Variants in PCNX2 observed in about 807,000 individuals in gnomAD.
PCNX2 encodes pecanex 2.
A neutral mutation model predicts 223.8 loss-of-function variants in PCNX2; 168 were observed. That is an observed-to-expected ratio of 0.75 (90% CI 0.66 to 0.85). The LOEUF is 0.85. PCNX2 is among the 40% of genes least tolerant of loss of function. The probability of loss-of-function intolerance (pLI) is 0.00; values close to 1 mark genes in which losing one functional copy is unlikely to be tolerated. For synonymous variants in PCNX2, 1,006 were observed against 1,052.6 expected (o/e 0.96, Z 0.86); for missense variants, 2,507 against 2,675.5 (o/e 0.94, Z 1.39).
chr1:233,013,209 T>G (rs1246644460), intron 28 of PCNX2, among the ~76,000 whole-genome samples: 1 of 152,212 alleles, frequency 6.6e-6, no homozygotes, highest in Admixed American at 6.5e-5. Flanking sequence ...AGTTTTGGTA[T>G]TTCTCACCTG....
chr1:233,035,756 C>G (rs1225999513), intron 25 of PCNX2, among the ~76,000 whole-genome samples: 1 of 152,170 alleles, frequency 6.6e-6, no homozygotes, highest in Non-Finnish European at 1.5e-5. Context: ...ATCAGGGCTA[C>G]AAAAAGGAGA....
intron 15 of PCNX2, among the ~76,000 whole-genome samples, chr1:233,193,360 A>T (rs1398505528): frequency 6.6e-6 from 1 of 152,234 alleles, no homozygotes; most frequent in Non-Finnish European, 1.5e-5. Context: ...AAAACATAAC[A>T]GGGAAACTTT....
Position 233,261,311 on chromosome 1 carries a change from G to A in PCNX2, c.491C>T (p.Ala164Val), listed in dbSNP as rs201955348. The change falls in exon 4 of 34, where the codon GCA becomes GTA. Residue 164 changes from alanine to valine, a missense_variant. By Grantham distance (64) the Ala-to-Val change is moderately conservative. Transcript: ENST00000258229. Reference sequence around the variant, plus strand: ...TTTGAGATCTTCTACAGTTTCCTGTGCTGACAACTCCTACACAAATGAAAG... The same window carrying A: ...TTTGAGATCTTCTACAGTTTCCTGTACTGACAACTCCTACACAAATGAAAG... Reference protein sequence around the residue: ...HHSSGPLELSAQETVEDLKGV... With the variant: ...HHSSGPLELSVQETVEDLKGV... The A allele has an allele frequency of 2.8e-5, 45 of 1,612,662 alleles. No homozygotes were observed. The highest frequency in any genetic ancestry group is 3.7e-5 in the Non-Finnish European group (44 of 1,179,062).
At chr1:233,309,773 G>A in the PCNX2 span, among the ~76,000 whole-genome samples, 1 of 151,808 alleles carries the variant, frequency 6.6e-6, no homozygotes, top group African/African-American at 2.4e-5. Context: ...AGCTACTCAG[G>A]CGGCTGAGGT....
intron 24 of PCNX2, chr1:233,054,698 G>A: frequency 2.0e-6 from 1 of 489,526 alleles, no homozygotes; most frequent in Non-Finnish European, 3.6e-6. Flanking sequence ...TAGGCCATAA[G>A]CAGCATCGAT....
chr1:233,161,849 A>G (rs1678500508), intron 17 of PCNX2, among the ~76,000 whole-genome samples: 1 of 152,028 alleles, frequency 6.6e-6, no homozygotes. Flanking sequence ...TGGCTAAAAC[A>G]AACAGAAACC....
At chr1:233,080,328 A>T (rs1055517841) in intron 23 of PCNX2, among the ~76,000 whole-genome samples, 1 of 151,642 alleles carries the variant, frequency 6.6e-6, no homozygotes, top group African/African-American at 2.4e-5. Flanking sequence ...TGTCTCCCCA[A>T]ACACGGTCCT....
intron 10 of PCNX2, among the ~76,000 whole-genome samples, chr1:233,225,733 A>T (rs1216340104): frequency 6.6e-6 from 1 of 152,234 alleles, no homozygotes; most frequent in Non-Finnish European, 1.5e-5. Context: ...TTTTGACATG[A>T]AGGGTTAATG....
At chr1:233,246,356 C>T (rs967229486) in intron 8 of PCNX2, among the ~76,000 whole-genome samples, 3 of 152,236 alleles carry the variant, frequency 2.0e-5, no homozygotes, top group African/African-American at 7.2e-5. Context: ...TTTATCACAT[C>T]TGCCTGGGCT....
At chr1:233,123,279 T>C (rs1467265667) in intron 21 of PCNX2, among the ~76,000 whole-genome samples, 1 of 152,094 alleles carries the variant, frequency 6.6e-6, no homozygotes, top group Non-Finnish European at 1.5e-5. Flanking sequence ...TATTCCAAAA[T>C]ACATCTTTTA....
intron 21 of PCNX2, among the ~76,000 whole-genome samples, chr1:233,130,991 C>T (rs2102758241): frequency 6.6e-6 from 1 of 152,236 alleles, no homozygotes; most frequent in South Asian, 2.1e-4. Flanking sequence ...CACTTCTCTC[C>T]TCTGTTTCTA....
chr1:233,283,699 A>G (rs1235222512), intron 1 of PCNX2, among the ~76,000 whole-genome samples: 1 of 152,226 alleles, frequency 6.6e-6, no homozygotes, highest in Non-Finnish European at 1.5e-5. Flanking sequence ...CGGGGGAAAA[A>G]AAAACTCTTC....
intron 16 of PCNX2, among the ~76,000 whole-genome samples, chr1:233,178,565 T>C (rs2102857715): frequency 6.6e-6 from 1 of 152,300 alleles, no homozygotes; most frequent in South Asian, 2.1e-4. Flanking sequence ...TTGGTGCAAA[T>C]TTCACTTTAA....
chr1:233,014,002 G>A (rs912684541), intron 28 of PCNX2, among the ~76,000 whole-genome samples: 2 of 152,196 alleles, frequency 1.3e-5, no homozygotes, highest in African/African-American at 2.4e-5. Flanking sequence ...CCACTGATTT[G>A]GGTGATTTGA....
At chr1:233,294,022 C>T (rs1661926048) in intron 1 of PCNX2, 1 of 980,536 alleles carries the variant, frequency 1.0e-6, no homozygotes. Context: ...CAAGCAGTTT[C>T]TGTATTTAAT....
intron 19 of PCNX2, among the ~76,000 whole-genome samples, chr1:233,150,745 T>C (rs1326707949): frequency 1.2e-5 from 1 of 83,582 alleles, no homozygotes; most frequent in African/African-American, 6.5e-5. Flanking sequence ...AACCATCCCA[T>C]TGATTTTTTT....
intron 1 of PCNX2, among the ~76,000 whole-genome samples, chr1:233,264,071 T>C (rs189034076): frequency 1.3e-3 from 191 of 152,220 alleles, no homozygotes; most frequent in African/African-American, 4.4e-3. Flanking sequence ...ATGGCGACCA[T>C]AGTGAGGTTC....
chr1:233,087,107 G>A (rs571624520), intron 23 of PCNX2: 1,764 of 985,366 alleles, frequency 1.8e-3, no homozygotes, highest in Non-Finnish European at 2.0e-3. Context: ...GGGACTAGCC[G>A]TGATTATCAG....
chr1:232,988,379 C>T (rs751138742), intron 32 of PCNX2, among the ~76,000 whole-genome samples: 6 of 152,040 alleles, frequency 3.9e-5, no homozygotes, highest in Admixed American at 6.5e-5. Flanking sequence ...ACAAGGACTC[C>T]CCCGCCACCC....
Sources: gnomAD v4.1 joint callset for allele counts (sites outside exome capture counted in the v4.1 genomes callset) on GRCh38, gnomAD v4.1.1 for gene constraint, MANE v1.5 for transcripts, NCBI Gene and HGNC (gene_info 2026-07-23, HGNC 2026-07-21) for gene names.